RHOBTB1: variants seen among roughly 807,000 people sequenced by gnomAD.
The protein encoded by RHOBTB1 is Rho related BTB domain containing 1.
Under a neutral mutation model 71.6 loss-of-function variants are expected in RHOBTB1, and 40 were observed. The ratio of observed to expected loss-of-function variants is 0.56; its 90% CI spans 0.43 to 0.73. The LOEUF (loss-of-function observed/expected upper bound fraction) is 0.73. RHOBTB1 is among the 30% of genes least tolerant of loss of function. RHOBTB1 has a pLI of 0.00. For missense variants in RHOBTB1, 797 were observed against 894.0 expected, an observed-to-expected ratio of 0.89 and a Z score of 1.38; for synonymous variants, 319 against 334.9, an observed-to-expected ratio of 0.95 and a Z score of 0.52.
chr10:60,914,432 G>A (rs539941838), intron 2 of RHOBTB1, among the ~76,000 whole-genome samples: 4 of 152,300 alleles, frequency 2.6e-5, no homozygotes, highest in South Asian at 4.1e-4. Flanking sequence ...AATGTCCTCA[G>A]TGGTGGGAAA....
chr10:60,888,364 T>C lies in RHOBTB1; in HGVS notation c.1304A>G (p.Gln435Arg). 2 of 1,614,212 alleles carry C rather than the reference T, an allele frequency of 1.2e-6. No homozygotes were observed. Among genetic ancestry groups the C allele is most frequent in the Non-Finnish European group, 1.7e-6 (2 of 1,180,034 alleles). ...EKEKDLVGLA[Q>R]IAEVLEMFDL... is the part of the protein sequence containing the mutation. ...GAACATCTCGAGGACCTCTGCGATCTGAGCCAGGCCCACCAAATCCTTTTC... is the reference window on the plus strand; with the variant it reads ...GAACATCTCGAGGACCTCTGCGATCCGAGCCAGGCCCACCAAATCCTTTTC... Residue 435 changes from glutamine to arginine, a missense_variant, in exon 6 of 11, where the codon CAG (glutamine) becomes CGG (arginine). By Grantham distance (43) the Gln-to-Arg change is conservative. Transcript: ENST00000337910.
At chr10:60,980,802 A>C (rs1014758108) in intron 2 of RHOBTB1, among the ~76,000 whole-genome samples, 2 of 152,176 alleles carry the variant, frequency 1.3e-5, no homozygotes, top group African/African-American at 4.8e-5. Context: ...GCTCTTTCCC[A>C]TCTCTCCTGA....
At chr10:60,967,923 A>T (rs569065018) in intron 2 of RHOBTB1, among the ~76,000 whole-genome samples, 4 of 152,198 alleles carry the variant, frequency 2.6e-5, no homozygotes, top group Non-Finnish European at 4.4e-5. Flanking sequence ...ACTTAAGATG[A>T]CTAGGAAGGG....
chr10:60,951,016 A>G (rs2085391350), intron 2 of RHOBTB1, among the ~76,000 whole-genome samples: 2 of 152,238 alleles, frequency 1.3e-5, no homozygotes, highest in Admixed American at 1.3e-4. Context: ...CTAGGAAAAT[A>G]AGTGGACTAC....
At chr10:60,926,390 G>GT (rs1565000050) in intron 2 of RHOBTB1, among the ~76,000 whole-genome samples, 1 of 152,134 alleles carries the variant, frequency 6.6e-6, no homozygotes, top group Non-Finnish European at 1.5e-5. Context: ...TGAGACCAGT[G>GT]TTATCCTGAT....
chr10:60,971,358 T>C (rs1239402643), intron 2 of RHOBTB1, among the ~76,000 whole-genome samples: 2 of 151,546 alleles, frequency 1.3e-5, no homozygotes, highest in South Asian at 2.1e-4. Context: ...TATAGACCAA[T>C]GGAACAGAAC....
At chr10:60,914,505 G>A (rs756783988) in intron 2 of RHOBTB1, among the ~76,000 whole-genome samples, 2 of 152,002 alleles carry the variant, frequency 1.3e-5, no homozygotes, top group Non-Finnish European at 2.9e-5. Context: ...ATGTCATATA[G>A]AGCCAATCCC....
At chr10:61,000,214 T>C (rs1175636113) in intron 1 of RHOBTB1, among the ~76,000 whole-genome samples, 1 of 152,200 alleles carries the variant, frequency 6.6e-6, no homozygotes, top group African/African-American at 2.4e-5. Flanking sequence ...AAAACTTTAA[T>C]GGGGAAAAAG....
intron 2 of RHOBTB1, among the ~76,000 whole-genome samples, chr10:60,961,854 G>C (rs1023388719): frequency 2.7e-4 from 41 of 149,756 alleles, no homozygotes; most frequent in African/African-American, 9.4e-4. Flanking sequence ...TATCACCCAG[G>C]CTGGAGTGTA....
At chr10:60,942,875 G>A (rs1315995920) in intron 1 of RHOBTB1, among the ~76,000 whole-genome samples, 3 of 136,850 alleles carry the variant, frequency 2.2e-5, no homozygotes, top group Non-Finnish European at 3.1e-5. Flanking sequence ...TTTTTTTTCT[G>A]TTTAGAGTAT....
intron 2 of RHOBTB1, among the ~76,000 whole-genome samples, chr10:60,970,056 C>G (rs780572436): frequency 6.6e-6 from 1 of 151,966 alleles, no homozygotes; most frequent in Non-Finnish European, 1.5e-5. Flanking sequence ...GACTGTATTT[C>G]CAGTGCACTC....
the RHOBTB1 span, among the ~76,000 whole-genome samples, chr10:60,862,655 TTTTC>T: frequency 1.1e-4 from 16 of 149,970 alleles, no homozygotes; most frequent in African/African-American, 3.7e-4. Context: ...TCCCTTTCTT[TTTTC>T]TTTTTTTCTT....
At chr10:60,957,345 G>A (rs931677799) in intron 2 of RHOBTB1, among the ~76,000 whole-genome samples, 10 of 152,224 alleles carry the variant, frequency 6.6e-5, no homozygotes, top group African/African-American at 2.4e-4. Flanking sequence ...CAGCATCATA[G>A]AATGTGAGTA....
At chr10:60,922,796 C>A (rs972286913) in intron 2 of RHOBTB1, among the ~76,000 whole-genome samples, 10 of 152,312 alleles carry the variant, frequency 6.6e-5, no homozygotes, top group South Asian at 4.1e-4. Context: ...TCTCTCTGTT[C>A]TGCTTTTGCT....
At chr10:60,936,148 TAG>T (rs1457692446) in intron 2 of RHOBTB1, among the ~76,000 whole-genome samples, 1 of 152,166 alleles carries the variant, frequency 6.6e-6, no homozygotes, top group Admixed American at 6.5e-5. Flanking sequence ...GATGAATGAG[TAG>T]AGTTCTGACG....
intron 2 of RHOBTB1, among the ~76,000 whole-genome samples, chr10:60,952,352 A>G (rs1439501679): frequency 6.6e-6 from 1 of 152,014 alleles, no homozygotes; most frequent in East Asian, 1.9e-4. Context: ...AATAAACACC[A>G]AGATCACCAC....
At chr10:60,943,648 G>A (rs1391238470) in intron 1 of RHOBTB1, among the ~76,000 whole-genome samples, 1 of 152,192 alleles carries the variant, frequency 6.6e-6, no homozygotes, top group African/African-American at 2.4e-5. Context: ...TCGTCGGCGC[G>A]GCACCACCCC....
chr10:60,880,618 C>T (rs1398437729), intron 7 of RHOBTB1, among the ~76,000 whole-genome samples: 1 of 152,094 alleles, frequency 6.6e-6, no homozygotes, highest in African/African-American at 2.4e-5. Context: ...AGGTTTCCAG[C>T]ACAACCTCGA....
At chr10:60,960,995 A>G (rs2085758206) in intron 2 of RHOBTB1, among the ~76,000 whole-genome samples, 1 of 151,890 alleles carries the variant, frequency 6.6e-6, no homozygotes, top group South Asian at 2.1e-4. Context: ...AAGTATGGGG[A>G]TTCACTAACT....
Sources: allele counts gnomAD v4.1 joint callset (sites outside exome capture counted in the v4.1 genomes callset), GRCh38; gene constraint gnomAD v4.1.1; transcripts MANE v1.5; gene names NCBI Gene and HGNC (gene_info 2026-07-23, HGNC 2026-07-21).